The following PDZD2 variants were observed in gnomAD, a reference collection of about 807,000 sequenced individuals.
PDZD2 encodes PDZ domain-containing protein 2.
In PDZD2, 90 loss-of-function variants were observed where a neutral mutation model predicts 220.7. The observed-to-expected ratio is 0.41, with a 90% CI of 0.34 to 0.49. The LOEUF is 0.49. PDZD2 is among the 20% of genes least tolerant of loss of function. The pLI is 0.28. For synonymous variants in PDZD2, 1,375 were observed against 1,450.5 expected (o/e 0.95, Z 1.18); for missense variants, 3,174 against 3,608.5 (o/e 0.88, Z 3.08).
chr5:31,699,810 T>C (rs1295899923), intron 1 of PDZD2, among the ~76,000 whole-genome samples: 1 of 151,418 alleles, frequency 6.6e-6, no homozygotes, highest in Non-Finnish European at 1.5e-5. Flanking sequence ...TTTGGTATTT[T>C]AGTAGAGATA....
At chr5:31,792,956 A>G (rs1182939638) in intron 1 of PDZD2, among the ~76,000 whole-genome samples, 2 of 151,900 alleles carry the variant, frequency 1.3e-5, no homozygotes, top group African/African-American at 4.8e-5. Context: ...CTCCTGCCTC[A>G]GCCTCCCTAG....
intron 6 of PDZD2, among the ~76,000 whole-genome samples, chr5:32,024,462 T>G (rs1754458595): frequency 6.6e-6 from 1 of 152,020 alleles, no homozygotes; most frequent in South Asian, 2.1e-4. Context: ...GCGGGCAGAT[T>G]ACCTGAGGTC....
At chr5:32,079,111 T>C (rs1741648088) in intron 19 of PDZD2, among the ~76,000 whole-genome samples, 1 of 150,682 alleles carries the variant, frequency 6.6e-6, no homozygotes, top group Admixed American at 6.6e-5. Flanking sequence ...CATAAAAAAA[T>C]TAGCGGGTGT....
intron 24 of PDZD2, among the ~76,000 whole-genome samples, chr5:32,102,580 CAGA>C (rs1281658287): frequency 1.3e-5 from 2 of 151,870 alleles, no homozygotes; most frequent in Non-Finnish European, 2.9e-5. Flanking sequence ...GACAGAGCAG[CAGA>C]AGGAGGAGAA....
intron 2 of PDZD2, among the ~76,000 whole-genome samples, chr5:31,844,196 C>T (rs1757470769): frequency 6.6e-6 from 1 of 152,046 alleles, no homozygotes; most frequent in South Asian, 2.1e-4. Flanking sequence ...AGGTGAAACA[C>T]TCAATTGAAT....
At chr5:31,843,271 CTT>C (rs879376524) in intron 2 of PDZD2, 29 of 139,430 alleles carry the variant, frequency 2.1e-4, no homozygotes, top group Admixed American at 3.6e-4. Context: ...CTTTTTCTTT[CTT>C]TTTTTTTTTT....
intron 2 of PDZD2, among the ~76,000 whole-genome samples, chr5:31,931,636 G>A (rs1161165175): frequency 6.6e-6 from 1 of 152,140 alleles, no homozygotes; most frequent in African/African-American, 2.4e-5. Flanking sequence ...CAGGAGGGAG[G>A]AACGAAGAAG....
chr5:32,017,623 G>A (rs989357463), intron 6 of PDZD2, among the ~76,000 whole-genome samples: 1 of 152,158 alleles, frequency 6.6e-6, no homozygotes, highest in Non-Finnish European at 1.5e-5. Flanking sequence ...AGAACACAGT[G>A]TCCCTTCCCT....
At chr5:31,723,758 C>G (rs1383895754) in intron 1 of PDZD2, among the ~76,000 whole-genome samples, 2 of 152,128 alleles carry the variant, frequency 1.3e-5, no homozygotes, top group African/African-American at 2.4e-5. Flanking sequence ...GCTGGGATTA[C>G]AGGCGCCCAC....
Position 32,090,142 on chromosome 5 carries a change from C to T in PDZD2, c.6694C>T (p.His2232Tyr). The change falls in exon 20 of 25, where the codon CAT becomes TAT. Residue 2232 changes from histidine (H) to tyrosine (Y), a missense_variant. Physicochemically the swap from His to Tyr is moderately conservative, Grantham distance 83. Transcript: ENST00000438447. The surrounding 1 kb of genome is among the most constrained non-coding windows in gnomAD (Gnocchi z 4.3). ...TYSMPAQFSS[H>Y]FGREGHPPHS... ...CTCCATGCCAGCCCAGTTCTCAAGC[C>T]ATTTTGGACGGGAGGGTCACCCCCC... 1 of 1,613,964 alleles carries T rather than the reference C, an allele frequency of 6.2e-7. No homozygotes were observed. Among genetic ancestry groups the T allele is most frequent in the Non-Finnish European group, 8.5e-7 (1 of 1,179,990 alleles).
At chr5:31,676,892 G>A in intron 1 of PDZD2, among the ~76,000 whole-genome samples, 1 of 151,872 alleles carries the variant, frequency 6.6e-6, no homozygotes, top group East Asian at 1.9e-4. Context: ...AAGGCATACG[G>A]CTTCCCCAGA....
chr5:31,785,986 T>C (rs1041710939), intron 1 of PDZD2, among the ~76,000 whole-genome samples: 3 of 152,148 alleles, frequency 2.0e-5, no homozygotes, highest in African/African-American at 7.2e-5. Flanking sequence ...GTTAGTATAT[T>C]CGCCTACCTC....
rs1167964545 is a variant in PDZD2 at position 32,058,133 on chromosome 5, C to T, written c.2200+30C>T. The T allele has an allele frequency of 8.2e-6, 9 of 1,100,552 alleles. No individual in the cohort carries two copies. In the South Asian group the frequency reaches 1.1e-4, roughly 14 times the overall value. 68.2% of individuals were successfully genotyped at this position (1,100,552 alleles called of 1,614,324 possible). A position where few individuals can be genotyped will look rare whatever the true frequency, so the allele number is the denominator to read the frequency against. On this transcript the variant is annotated intron_variant, in intron 12 of 24. Coordinates refer to ENST00000438447, the MANE Select transcript of PDZD2 (RefSeq NM_178140.4). ...TAGCAGCTATTCCTTACCTTTGTCT[C>T]ATTTCTTGAATAACATTTTGGAATC...
chr5:31,696,629 G>A (rs439399), intron 1 of PDZD2, among the ~76,000 whole-genome samples: 2 of 151,894 alleles, frequency 1.3e-5, no homozygotes, highest in Non-Finnish European at 2.9e-5. Context: ...CTGAAAATAC[G>A]CTTCACAAGA....
intron 1 of PDZD2, among the ~76,000 whole-genome samples, chr5:31,686,469 T>C (rs543060670): frequency 6.8e-4 from 104 of 152,176 alleles, no homozygotes; most frequent in African/African-American, 2.4e-3. Flanking sequence ...GTTCAAGCGA[T>C]TCTCCTGCCA....
intron 2 of PDZD2, among the ~76,000 whole-genome samples, chr5:31,971,396 G>A (rs1335395506): frequency 1.3e-5 from 2 of 152,122 alleles, no homozygotes; most frequent in African/African-American, 2.4e-5. Flanking sequence ...TCCCATTCAC[G>A]AGGCCTCTGG....
intron 2 of PDZD2, among the ~76,000 whole-genome samples, chr5:31,982,378 G>A (rs1264251636): frequency 6.6e-6 from 1 of 152,188 alleles, no homozygotes; most frequent in Non-Finnish European, 1.5e-5. Flanking sequence ...CGTGATCTCG[G>A]TTCACTGCAG....
At position 31,706,239 on chromosome 5, in the gene PDZD2, C is replaced by T. The variant is rs1205469515; in HGVS notation, c.-361+66802C>T. ...ATGGTCCTGTGTACATTGCTAGTGG[C>T]CAGATGTAGTTTTGACTCTGAGCTT... is the stretch of plus-strand genomic sequence containing the variant. On this transcript the variant is annotated intron_variant, in intron 1 of 24. Transcript: ENST00000438447. Among the ~76,000 whole-genome samples, 3 of 152,186 alleles carry T rather than the reference C, an allele frequency of 2.0e-5. No homozygotes were observed. In the East Asian group the frequency reaches 5.8e-4, roughly 29 times the overall value.
At chr5:31,878,225 GCCTGGGAGCGCTAT>G (rs1290247849) in intron 2 of PDZD2, among the ~76,000 whole-genome samples, 1 of 152,144 alleles carries the variant, frequency 6.6e-6, no homozygotes, top group African/African-American at 2.4e-5. Context: ...AGCAGAGCAA[GCCTGGGAGCGCTAT>G]CCTGGGCCAC....
Sources: gnomAD v4.1 joint callset for allele counts (sites outside exome capture counted in the v4.1 genomes callset) on GRCh38, gnomAD v4.1.1 for gene constraint, Gnocchi (gnomAD v3.1) non-coding constraint, MANE v1.5 for transcripts, NCBI Gene and HGNC (gene_info 2026-07-23, HGNC 2026-07-21) for gene names.